Variants in RBM33 observed in about 807,000 individuals in gnomAD.
RBM33 encodes the protein RNA binding motif protein 33, also known as RNA-binding protein 33.
In RBM33, 28 loss-of-function variants were observed where a neutral mutation model predicts 132.6. That is an observed-to-expected ratio of 0.21 (90% CI 0.16 to 0.29). The LOEUF (loss-of-function observed/expected upper bound fraction) is 0.29, where lower values mean the gene tolerates loss of function less well. RBM33 is among the 10% of genes least tolerant of loss of function. The pLI is 1.00. For synonymous variants in RBM33, 634 were observed against 593.0 expected (o/e 1.07, Z -1.01); for missense variants, 1,291 against 1,518.5 (o/e 0.85, Z 2.49).
chr7:155,753,937 G>A (rs943410408), intron 14 of RBM33, among the ~76,000 whole-genome samples: 1 of 152,192 alleles, frequency 6.6e-6, no homozygotes, highest in Non-Finnish European at 1.5e-5. Context: ...TTGATAAGAC[G>A]TACAGTCTAG....
intron 1 of RBM33, among the ~76,000 whole-genome samples, chr7:155,654,831 GTCC>G (rs768064743): frequency 2.2e-4 from 34 of 151,940 alleles, no homozygotes; most frequent in Admixed American, 3.9e-4. Flanking sequence ...TTTATATATT[GTCC>G]TCTTTTAATA....
rs1419266620 is a variant in RBM33 at position 155,688,806 on chromosome 7, T to C, written c.567+7898T>C. On this transcript the variant is annotated intron_variant, in intron 5 of 17. Transcript: ENST00000401878. Reference sequence around the variant, plus strand: ...TAATTTGCGTATGTTGAATCAGCCTTGCATCCCAGAGATGAAGCCCACTTG... The same window carrying C: ...TAATTTGCGTATGTTGAATCAGCCTCGCATCCCAGAGATGAAGCCCACTTG... Among the ~76,000 whole-genome samples, 4 of 152,372 alleles carry C rather than the reference T, an allele frequency of 2.6e-5. No individual in the cohort carries two copies. In the East Asian group the frequency reaches 7.7e-4, roughly 29 times the overall value.
chr7:155,769,699 C>A (rs1802351728), intron 16 of RBM33, among the ~76,000 whole-genome samples: 1 of 151,776 alleles, frequency 6.6e-6, no homozygotes, highest in Admixed American at 6.6e-5. Context: ...ACGTCTGGTT[C>A]TGACTGCAGG....
At position 155,775,259 on chromosome 7, in the gene RBM33, T is replaced by A; in HGVS notation, c.*218T>A. 1 of 657,512 alleles carries A rather than the reference T, an allele frequency of 1.5e-6. No individual in the cohort carries two copies. Among genetic ancestry groups the A allele is most frequent in the African/African-American group, 1.8e-5 (1 of 55,468 alleles). The allele number at this position is 657,512 out of a possible 1,614,324, so 40.7% of individuals were successfully genotyped here. A position where few individuals can be genotyped will look rare whatever the true frequency, so the allele number is the denominator to read the frequency against. ...GAGTTGGTGTTAGATTGCTTCACAT[T>A]CTCTTGTCACCACCAAGAACTCCAA... On this transcript the variant is annotated 3_prime_UTR_variant, in exon 18 of 18. Transcript: ENST00000401878.
chr7:155,759,048 C>G (rs962784432), intron 14 of RBM33, among the ~76,000 whole-genome samples: 92 of 152,350 alleles, frequency 6.0e-4, no homozygotes, highest in African/African-American at 2.0e-3. Context: ...ACTGTCTCAT[C>G]ACAGGCCTTA....
intron 6 of RBM33, among the ~76,000 whole-genome samples, chr7:155,701,932 C>T (rs6974445): frequency 0.025 from 3,756 of 152,252 alleles, 140 homozygotes; most frequent in African/African-American, 0.085. Flanking sequence ...GTGATCCACC[C>T]GGCTCAGCCT....
intron 1 of RBM33, among the ~76,000 whole-genome samples, chr7:155,645,370 A>T (rs1434654814): frequency 2.0e-5 from 3 of 152,248 alleles, no homozygotes; most frequent in Non-Finnish European, 2.9e-5. Flanking sequence ...TTACAAAAAC[A>T]TAACGAAAAG....
intron 1 of RBM33, among the ~76,000 whole-genome samples, chr7:155,647,359 A>T (rs916432317): frequency 6.6e-6 from 1 of 152,206 alleles, no homozygotes; most frequent in Non-Finnish European, 1.5e-5. Flanking sequence ...ATTGAATAAA[A>T]TAGGTCTTGG....
chr7:155,740,114 A>G, intron 12 of RBM33, 88 bp downstream of exon 12: 2 of 1,418,472 alleles, frequency 1.4e-6, no homozygotes, highest in South Asian at 3.2e-5. Context: ...AGGTTAGAAT[A>G]TTTTCCAGTT....
intron 1 of RBM33, 200 bp downstream of exon 1, chr7:155,645,119 G>A (rs910243731): frequency 2.0e-6 from 1 of 493,060 alleles, no homozygotes; most frequent in African/African-American, 2.0e-5. Flanking sequence ...CCGCTGTGCA[G>A]ATCGTACTTA....
chr7:155,746,386 G>A (rs1011461128), intron 14 of RBM33: 65 of 150,850 alleles, frequency 4.3e-4, no homozygotes, highest in African/African-American at 1.4e-3. Context: ...AAAAAAAAGC[G>A]TCATAGAATT....
chr7:155,704,006 G>A (rs1800041339), intron 6 of RBM33, among the ~76,000 whole-genome samples: 1 of 152,136 alleles, frequency 6.6e-6, no homozygotes, highest in South Asian at 2.1e-4. Flanking sequence ...CTTTAAGAGG[G>A]AGAATCAAAT....
intron 9 of RBM33, among the ~76,000 whole-genome samples, chr7:155,725,008 G>T (rs1035682584): frequency 7.8e-5 from 11 of 140,658 alleles, no homozygotes; most frequent in African/African-American, 3.2e-4. Flanking sequence ...GTGTGTGTGT[G>T]TGTGTGTGTG....
intron 2 of RBM33, among the ~76,000 whole-genome samples, chr7:155,666,436 A>C (rs1016473769): frequency 6.6e-6 from 1 of 152,240 alleles, no homozygotes; most frequent in African/African-American, 2.4e-5. Flanking sequence ...AAGCACCCTC[A>C]TGGACTTTCA....
At chr7:155,730,263 G>A (rs1257243993) in intron 9 of RBM33, among the ~76,000 whole-genome samples, 1 of 152,080 alleles carries the variant, frequency 6.6e-6, no homozygotes, top group African/African-American at 2.4e-5. Flanking sequence ...TACTTTATGA[G>A]GGATTTCTGA....
At chr7:155,694,730 T>C (rs1799745070) in intron 5 of RBM33, among the ~76,000 whole-genome samples, 1 of 152,246 alleles carries the variant, frequency 6.6e-6, no homozygotes, top group Non-Finnish European at 1.5e-5. Flanking sequence ...GTTTTTGAGA[T>C]TCATCCAAGT....
intron 9 of RBM33, among the ~76,000 whole-genome samples, chr7:155,722,540 G>T (rs868583613): frequency 1.3e-5 from 2 of 152,244 alleles, no homozygotes; most frequent in Middle Eastern, 3.4e-3. Flanking sequence ...TATACCTGGT[G>T]TTTTTGTCAC....
intron 1 of RBM33, among the ~76,000 whole-genome samples, chr7:155,654,019 G>A (rs1416520541): frequency 6.6e-6 from 1 of 152,112 alleles, no homozygotes; most frequent in Non-Finnish European, 1.5e-5. Flanking sequence ...GTGCAATTTG[G>A]TACAGTCAGC....
chr7:155,673,941 T>TTGTTGTTTGTTTTTTG (rs796928438), intron 3 of RBM33, among the ~76,000 whole-genome samples: 1 of 42,506 alleles, frequency 2.4e-5, no homozygotes, highest in Non-Finnish European at 4.2e-5. Context: ...TTAGGCTTAG[T>TTGTTGTTTGTTTTTTG]TTTTTTTTTT....
Sources: allele counts gnomAD v4.1 joint callset (sites outside exome capture counted in the v4.1 genomes callset), GRCh38; gene constraint gnomAD v4.1.1; transcripts MANE v1.5; gene names NCBI Gene and HGNC (gene_info 2026-07-23, HGNC 2026-07-21).